OLA1: variants seen among roughly 807,000 people sequenced by gnomAD.
OLA1 encodes Obg like ATPase 1.
In OLA1, 14 loss-of-function variants were observed where a neutral mutation model predicts 48.4. The ratio of observed to expected loss-of-function variants is 0.29; its 90% CI spans 0.19 to 0.45. The LOEUF (loss-of-function observed/expected upper bound fraction) is 0.45, where lower values mean the gene tolerates loss of function less well. OLA1 is among the 20% of genes least tolerant of loss of function. The probability of loss-of-function intolerance (pLI) is 1.00; values close to 1 mark genes in which losing one functional copy is unlikely to be tolerated. For missense variants in OLA1, 325 were observed against 467.1 expected, an observed-to-expected ratio of 0.70 and a Z score of 2.80; for synonymous variants, 127 against 150.4, an observed-to-expected ratio of 0.84 and a Z score of 1.14.
Position 174,243,774 on chromosome 2 carries a change from A to G in OLA1, c.101+2941T>C, listed in dbSNP as rs527996115. 6.6e-5 allele frequency among the ~76,000 whole-genome samples: 10 copies of G among 152,346 alleles called. No homozygotes were observed. In the East Asian group the frequency reaches 1.7e-3, roughly 26 times the overall value. ...GTTCAATATCTGATTAGCTATAAAT[A>G]TTACCTCTAAGTTTCTGGGTCATCA... On this transcript the variant is annotated intron_variant, in intron 2 of 10. Transcript: ENST00000284719.
At chr2:174,148,667 T>A (rs1686672016) in intron 4 of OLA1, among the ~76,000 whole-genome samples, 2 of 152,212 alleles carry the variant, frequency 1.3e-5, no homozygotes, top group Admixed American at 1.3e-4. Context: ...TCTCCCCTGC[T>A]ACCTTAACCT....
At chr2:174,086,014 C>T (rs914019213) in intron 7 of OLA1, among the ~76,000 whole-genome samples, 1 of 152,054 alleles carries the variant, frequency 6.6e-6, no homozygotes, top group Admixed American at 6.6e-5. Context: ...TTGGCAGCTG[C>T]AGATATTTCT....
rs146698363 is a variant in OLA1, at chr2:174,174,142, C to T, written c.374-32142G>A. On this transcript the variant is annotated intron_variant, in intron 4 of 10. Coordinates refer to ENST00000284719, the MANE Select transcript of OLA1 (RefSeq NM_013341.5). ...TAACATGAATCCTCCATAAACTCTT[C>T]GAGGAAATCAAAGATAAAATACTTT... 2.3e-3 allele frequency among the ~76,000 whole-genome samples: 352 copies of T among 151,610 alleles called. 2 individuals are homozygous for T. The highest frequency in any genetic ancestry group is 1.3e-3 in the Non-Finnish European group (86 of 67,838).
chr2:174,219,422 C>CTTTTTTT (rs1559011396), intron 4 of OLA1, among the ~76,000 whole-genome samples: 2 of 144,196 alleles, frequency 1.4e-5, no homozygotes, highest in African/African-American at 5.2e-5. Context: ...ATTTTATTTC[C>CTTTTTTT]CTTTTTTTTT....
intron 3 of OLA1, among the ~76,000 whole-genome samples, chr2:174,223,809 G>C (rs1688558537): frequency 7.0e-6 from 1 of 142,198 alleles, no homozygotes; most frequent in South Asian, 2.2e-4. Flanking sequence ...CTGAGAACCA[G>C]TTATCAGCAT....
chr2:174,144,941 A>ATAT (rs1188016243), intron 4 of OLA1, among the ~76,000 whole-genome samples: 113 of 64,222 alleles, frequency 1.8e-3, no homozygotes, highest in Non-Finnish European at 2.9e-3. Flanking sequence ...AAAAAAAAAA[A>ATAT]AAAAAAAAAA....
At chr2:174,115,253 A>G (rs960254480) in intron 7 of OLA1, among the ~76,000 whole-genome samples, 3 of 152,248 alleles carry the variant, frequency 2.0e-5, no homozygotes, top group African/African-American at 7.2e-5. Flanking sequence ...ATTTCTTAAT[A>G]AAGTTCAACC....
chr2:174,097,760 C>T (rs565573863), intron 7 of OLA1, among the ~76,000 whole-genome samples: 2 of 151,900 alleles, frequency 1.3e-5, no homozygotes, highest in Non-Finnish European at 2.9e-5. Flanking sequence ...AAGACACTTG[C>T]AAGGGAAAGA....
At chr2:174,115,622 C>T (rs968758658) in intron 7 of OLA1, among the ~76,000 whole-genome samples, 1 of 152,104 alleles carries the variant, frequency 6.6e-6, no homozygotes, top group African/African-American at 2.4e-5. Context: ...CCATTATGCT[C>T]TACATCAACT....
intron 4 of OLA1, among the ~76,000 whole-genome samples, chr2:174,204,140 G>A (rs893909443): frequency 4.3e-4 from 65 of 150,968 alleles, no homozygotes; most frequent in Non-Finnish European, 8.0e-4. Context: ...AGTGGCTCAC[G>A]CCTGTAATCC....
intron 4 of OLA1, among the ~76,000 whole-genome samples, chr2:174,213,405 T>C (rs1688288461): frequency 6.6e-6 from 1 of 152,174 alleles, no homozygotes; most frequent in Non-Finnish European, 1.5e-5. Flanking sequence ...ACAAATGTCT[T>C]AGATTCCTGT....
chr2:174,165,393 A>G (rs924534717), intron 4 of OLA1, among the ~76,000 whole-genome samples: 3 of 152,228 alleles, frequency 2.0e-5, no homozygotes, highest in African/African-American at 7.2e-5. Context: ...TCCTGTCTTC[A>G]GAAATTGTGA....
chr2:174,087,245 C>T (rs1172634281), intron 7 of OLA1, among the ~76,000 whole-genome samples: 2 of 151,960 alleles, frequency 1.3e-5, no homozygotes, highest in Non-Finnish European at 2.9e-5. Context: ...AAGAGGGTCT[C>T]GGTCTCTTGA....
chr2:174,164,348 A>AATACCATCTGCATAGTGCAGAATGG (rs1687108348), intron 4 of OLA1, among the ~76,000 whole-genome samples: 3 of 124,042 alleles, frequency 2.4e-5, no homozygotes, highest in African/African-American at 3.8e-5. Flanking sequence ...GGCACTACGC[A>AATACCATCTGCATAGTGCAGAATGG]ATACCATTCT....
At chr2:174,115,185 C>G (rs760457078) in intron 7 of OLA1, among the ~76,000 whole-genome samples, 5 of 152,138 alleles carry the variant, frequency 3.3e-5, no homozygotes, top group African/African-American at 1.2e-4. Flanking sequence ...ATTTGAGGAT[C>G]AAATGAAATA....
intron 4 of OLA1, among the ~76,000 whole-genome samples, chr2:174,212,330 AAGAC>A (rs1688263124): frequency 6.6e-6 from 1 of 152,244 alleles, no homozygotes; most frequent in South Asian, 2.1e-4. Context: ...TGCAGTATAA[AAGAC>A]AAAAAAAATC....
At chr2:174,198,959 A>G (rs963007121) in intron 4 of OLA1, among the ~76,000 whole-genome samples, 2 of 152,218 alleles carry the variant, frequency 1.3e-5, no homozygotes, top group African/African-American at 4.8e-5. Context: ...TGGTCAATGT[A>G]TTCATCACAA....
chr2:174,183,280 C>T (rs1248714593), intron 4 of OLA1, among the ~76,000 whole-genome samples: 2 of 152,124 alleles, frequency 1.3e-5, no homozygotes, highest in Non-Finnish European at 2.9e-5. Flanking sequence ...ATGAGCTGGC[C>T]AATAGCAAAG....
rs1687505555 is a variant in OLA1, at chr2:174,180,371, GC to G, written c.374-38372del. Among the ~76,000 whole-genome samples, 3 of 152,074 alleles carry G rather than the reference GC, an allele frequency of 2.0e-5. No homozygotes were observed. The South Asian group carries it at 6.2e-4, about 32-fold the overall frequency. On this transcript the variant is annotated intron_variant, in intron 4 of 10. Coordinates refer to ENST00000284719, the MANE Select transcript of OLA1 (RefSeq NM_013341.5). Reference sequence around the variant, plus strand: ...CAGATAAGTAAAACCAGACTACTCAGCTTTAAGTACAGCACCAGAAATCCAG... The same window carrying G: ...CAGATAAGTAAAACCAGACTACTCAGTTTAAGTACAGCACCAGAAATCCAG...
Sources: allele counts gnomAD v4.1 joint callset (sites outside exome capture counted in the v4.1 genomes callset), GRCh38; gene constraint gnomAD v4.1.1; transcripts MANE v1.5; gene names NCBI Gene and HGNC (gene_info 2026-07-23, HGNC 2026-07-21).